KATNA1: variants seen among roughly 807,000 people sequenced by gnomAD.
KATNA1 encodes katanin catalytic subunit A1, also known as katanin p60 ATPase-containing subunit A1.
A neutral mutation model predicts 62.6 loss-of-function variants in KATNA1; 42 were observed. The observed-to-expected ratio is 0.67, with a 90% CI of 0.52 to 0.87. The LOEUF is 0.87. KATNA1 is among the 40% of genes least tolerant of loss of function. The pLI is 0.00. For synonymous variants in KATNA1, 186 were observed against 201.9 expected (o/e 0.92, Z 0.67); for missense variants, 498 against 612.5 (o/e 0.81, Z 1.97).
chr6:149,598,769 C>G (rs191990275), intron 7 of KATNA1, among the ~76,000 whole-genome samples: 1 of 152,148 alleles, frequency 6.6e-6, no homozygotes, highest in East Asian at 1.9e-4. Context: ...AGCTAAGGAG[C>G]CTGCCACACT....
intron 1 of KATNA1, among the ~76,000 whole-genome samples, chr6:149,647,066 T>G (rs1276998611): frequency 6.6e-6 from 1 of 152,068 alleles, no homozygotes; most frequent in Non-Finnish European, 1.5e-5. Flanking sequence ...ATGTAAACGC[T>G]TCTTGAATAA....
intron 4 of KATNA1, among the ~76,000 whole-genome samples, chr6:149,611,133 T>C (rs1778937625): frequency 6.6e-6 from 1 of 151,748 alleles, no homozygotes; most frequent in Non-Finnish European, 1.5e-5. Context: ...ACCTCATGAA[T>C]GTAGAAAAGA....
At chr6:149,643,915 T>C (rs1780383587) in intron 1 of KATNA1, among the ~76,000 whole-genome samples, 2 of 151,940 alleles carry the variant, frequency 1.3e-5, no homozygotes, top group Admixed American at 6.6e-5. Flanking sequence ...CTTGAACTCC[T>C]GGGCTCAAGC....
rs1179464527 is a variant in KATNA1, at chr6:149,604,509, G to A, written c.623+152C>T. On this transcript the variant is annotated intron_variant, in intron 5 of 10. Coordinates refer to ENST00000367411, the MANE Select transcript of KATNA1 (RefSeq NM_007044.4). ...ACCTCAGACTCTCAGACAAAAATTGGAATAGGCTGAATGCAGGGAAGTCAT... is the reference window on the plus strand; with the variant it reads ...ACCTCAGACTCTCAGACAAAAATTGAAATAGGCTGAATGCAGGGAAGTCAT... The A allele has an allele frequency of 3.8e-6, 3 of 797,682 alleles. No homozygotes were observed. The East Asian group carries it at 7.8e-5, about 21-fold the overall frequency. 49.4% of individuals were successfully genotyped at this position (797,682 alleles called of 1,614,324 possible).
chr6:149,600,359 G>C (rs540675043), intron 7 of KATNA1, among the ~76,000 whole-genome samples: 2 of 152,084 alleles, frequency 1.3e-5, no homozygotes, highest in South Asian at 4.1e-4. Flanking sequence ...AAGGCCAGGC[G>C]CAGTGGCTCA....
chr6:149,627,238 C>T (rs1779650358), intron 3 of KATNA1, among the ~76,000 whole-genome samples: 2 of 151,298 alleles, frequency 1.3e-5, no homozygotes, highest in South Asian at 4.2e-4. Flanking sequence ...ACTAAAAATA[C>T]AAAAATTTGG....
intron 2 of KATNA1, among the ~76,000 whole-genome samples, chr6:149,635,050 T>C (rs760681957): frequency 7.3e-5 from 11 of 150,334 alleles, no homozygotes; most frequent in Non-Finnish European, 1.6e-4. Flanking sequence ...ACCTCAAAAA[T>C]AAAAGAGAAA....
intron 1 of KATNA1, among the ~76,000 whole-genome samples, chr6:149,639,478 A>C (rs1780201175): frequency 6.6e-6 from 1 of 152,088 alleles, no homozygotes; most frequent in Admixed American, 6.5e-5. Flanking sequence ...ACGTGCCTGT[A>C]ATCACAGCTA....
chr6:149,595,230 C>G lies in KATNA1; in HGVS notation c.1282G>C (p.Ala428Pro). 1 of 1,612,836 alleles carries G rather than the reference C, an allele frequency of 6.2e-7. No individual in the cohort carries two copies. The highest frequency in any genetic ancestry group is 8.5e-7 in the Non-Finnish European group (1 of 1,179,026). The change falls in exon 11 of 11, where the codon GCG becomes CCG. Residue 428 changes from alanine to proline, a missense_variant. Physicochemically the swap from Ala to Pro is conservative, Grantham distance 27. Around this residue, in one of 3 missense-constraint regions of KATNA1, gnomAD observed 267 missense variants for 372.6 expected, o/e 0.72. Coordinates refer to ENST00000367411, the MANE Select transcript of KATNA1 (RefSeq NM_007044.4). ...CGCCTTCTCATTGCCATCAAGGACG[C>G]ATCCCTAGGTTTTAAGTTAAAAACA... is the stretch of plus-strand genomic sequence containing the variant. Reference protein sequence around the residue: ...GADITNVCRDASLMAMRRRIE... With the variant: ...GADITNVCRDPSLMAMRRRIE...
chr6:149,597,042 T>C (rs1778345847), intron 10 of KATNA1, 21 bp downstream of exon 10: 1 of 1,608,164 alleles, frequency 6.2e-7, no homozygotes, highest in Admixed American at 1.7e-5. Flanking sequence ...CAAAAACCTA[T>C]GCTTCCATGA....
chr6:149,638,741 T>TG (rs1195016516), intron 1 of KATNA1, 181 bp from the exon 2 acceptor site: 30 of 438,228 alleles, frequency 6.8e-5, no homozygotes, highest in South Asian at 4.3e-4. Context: ...TTTTTTTTTT[T>TG]TTTTTTTTTT....
intron 4 of KATNA1, among the ~76,000 whole-genome samples, chr6:149,615,955 C>T (rs1028847916): frequency 2.0e-5 from 3 of 152,034 alleles, no homozygotes; most frequent in Admixed American, 1.3e-4. Context: ...ATAGCAGGGA[C>T]GGCTATAAAT....
At chr6:149,604,492 C>T (rs1389333452) in intron 5 of KATNA1, among the ~76,000 whole-genome samples, 169 bp downstream of exon 5, 1 of 152,062 alleles carries the variant, frequency 6.6e-6, no homozygotes, top group Non-Finnish European at 1.5e-5. Flanking sequence ...AAACCTCAGA[C>T]TCTCAGACAA....
chr6:149,599,831 T>G (rs1032459673), intron 7 of KATNA1, among the ~76,000 whole-genome samples: 4 of 152,110 alleles, frequency 2.6e-5, no homozygotes, highest in Non-Finnish European at 4.4e-5. Flanking sequence ...CTCATTCCTA[T>G]TCCACTACTT....
rs1209623111 is a variant in KATNA1, at chr6:149,623,125, T to C, written c.479A>G (p.Gln160Arg). 1.9e-6 allele frequency: 3 copies of C among 1,601,552 alleles called. No homozygotes were observed. Among genetic ancestry groups the C allele is most frequent in the African/African-American group, 2.7e-5 (2 of 74,308 alleles). The stretch of plus-strand genomic sequence containing the variant: ...TACCTTTTCCTCTCTTCCTTTATTC[T>C]GTTCTTTCTTTTCACGACAACGAAC... ...KAVRCREKKE[Q>R]NKGREEKNKS... Residue 160 changes from glutamine to arginine, a missense_variant, in exon 4 of 11, where the codon CAG becomes CGG. Gln to Arg is a conservative substitution (Grantham distance 43). This residue lies in a region of KATNA1 where 203 missense variants were observed against 198.4 expected (regional missense o/e 1.02). Coordinates refer to ENST00000367411, the MANE Select transcript of KATNA1 (RefSeq NM_007044.4).
Position 149,601,661 on chromosome 6 carries a change from G to C in KATNA1, c.821C>G (p.Ser274Cys). Residue 274 changes from serine (S) to cysteine (C), a missense_variant, in exon 7 of 11, where the codon TCT (serine) becomes TGT (cysteine). Transcript: ENST00000367411. ...TECKTTFFNV[S>C]SSTLTSKYRG... ...GTATTTGGAAGTCAAAGTTGATGAA[G>C]AGACATTGAAGAATGTTGTCTTGCA... is the stretch of plus-strand genomic sequence containing the variant. 1 of 1,612,816 alleles carries C rather than the reference G, an allele frequency of 6.2e-7. No homozygotes were observed. Among genetic ancestry groups the C allele is most frequent in the Non-Finnish European group, 8.5e-7 (1 of 1,179,574 alleles).
At chr6:149,596,902 T>C (rs1368237798) in intron 10 of KATNA1, among the ~76,000 whole-genome samples, 161 bp downstream of exon 10, 1 of 151,848 alleles carries the variant, frequency 6.6e-6, no homozygotes, top group African/African-American at 2.4e-5. Flanking sequence ...CGTCAGAGGA[T>C]CACTTGAGCC....
rs1050856560 is a variant in KATNA1 at position 149,604,566 on chromosome 6, C to G, written c.623+95G>C. ...GCTGCACATACTCCGGTTCTGTCCT[C>G]AAGCTCTGCTCTTCAGTACATGCTC... On this transcript the variant is annotated intron_variant, in intron 5 of 10. Coordinates refer to ENST00000367411, the MANE Select transcript of KATNA1 (RefSeq NM_007044.4). 5.3e-6 allele frequency: 7 copies of G among 1,329,728 alleles called. No homozygotes were observed. The African/African-American group carries it at 7.3e-5, about 14-fold the overall frequency. 82.4% of individuals were successfully genotyped at this position (1,329,728 alleles called of 1,614,324 possible). A position where few individuals can be genotyped will look rare whatever the true frequency, so the allele number is the denominator to read the frequency against.
At chr6:149,602,461 C>T (rs1778582480) in intron 6 of KATNA1, among the ~76,000 whole-genome samples, 1 of 152,132 alleles carries the variant, frequency 6.6e-6, no homozygotes, top group Non-Finnish European at 1.5e-5. Flanking sequence ...AGGATTTTTA[C>T]AACTATTCAT....
Sources: gnomAD v4.1 joint callset for allele counts (sites outside exome capture counted in the v4.1 genomes callset) on GRCh38, gnomAD v4.1.1 for gene constraint, gnomAD v4.1.1 regional missense constraint, MANE v1.5 for transcripts, NCBI Gene and HGNC (gene_info 2026-07-23, HGNC 2026-07-21) for gene names.